The following RNF169 variants were observed in gnomAD, a reference collection of about 807,000 sequenced individuals.
RNF169 encodes ring finger protein 169.
RNF169 carries 24 observed loss-of-function variants against 53.9 expected under a neutral mutation model. The observed-to-expected ratio is 0.45, with a 90% CI of 0.32 to 0.63. The LOEUF (loss-of-function observed/expected upper bound fraction) is 0.63. Ranked by LOEUF, RNF169 falls within the 20% of genes least tolerant of loss-of-function variation. The pLI is 0.04. For missense variants in RNF169, 883 were observed against 906.2 expected, an observed-to-expected ratio of 0.97 and a Z score of 0.33; for synonymous variants, 396 against 363.5, an observed-to-expected ratio of 1.09 and a Z score of -1.02.
chr11:74,794,377 G>A (rs191070256), intron 2 of RNF169, among the ~76,000 whole-genome samples: 5 of 152,306 alleles, frequency 3.3e-5, no homozygotes, highest in Admixed American at 3.3e-4. Flanking sequence ...GGGGAAAATT[G>A]AGGACATGAA....
chr11:74,798,163 G>T (rs1565179892), intron 2 of RNF169, among the ~76,000 whole-genome samples: 1 of 152,192 alleles, frequency 6.6e-6, no homozygotes, highest in Non-Finnish European at 1.5e-5. Flanking sequence ...AAAAGAACAA[G>T]ATAACAGCAA....
chr11:74,793,645 T>C (rs149607953), intron 2 of RNF169, among the ~76,000 whole-genome samples: 1 of 152,344 alleles, frequency 6.6e-6, no homozygotes, highest in East Asian at 1.9e-4. Flanking sequence ...GCTGTGTTCT[T>C]AACATCCTTT....
intron 2 of RNF169, among the ~76,000 whole-genome samples, chr11:74,799,868 A>G (rs553410665): frequency 1.5e-3 from 230 of 151,810 alleles, no homozygotes; most frequent in Non-Finnish European, 2.8e-3. Flanking sequence ...CACTTAATAA[A>G]CATGTTTAAA....
At chr11:74,808,990 A>G (rs945585582) in intron 2 of RNF169, among the ~76,000 whole-genome samples, 1 of 152,086 alleles carries the variant, frequency 6.6e-6, no homozygotes, top group Admixed American at 6.5e-5. Context: ...TCATAACCTC[A>G]TGAATTAGAC....
At chr11:74,776,955 G>A (rs1301760363) in intron 1 of RNF169, among the ~76,000 whole-genome samples, 1 of 152,136 alleles carries the variant, frequency 6.6e-6, no homozygotes, top group Non-Finnish European at 1.5e-5. Context: ...AATCTTGGAG[G>A]CAGTGGGAAG....
At chr11:74,824,752 T>C (rs1169093246) in intron 4 of RNF169, among the ~76,000 whole-genome samples, 1 of 152,212 alleles carries the variant, frequency 6.6e-6, no homozygotes, top group Admixed American at 6.5e-5. Flanking sequence ...AGGGTTGCCA[T>C]GAATCTTTAG....
chr11:74,803,287 G>A (rs918759918), intron 2 of RNF169, among the ~76,000 whole-genome samples: 2 of 152,028 alleles, frequency 1.3e-5, no homozygotes, highest in East Asian at 1.9e-4. Context: ...GGGTTTCACC[G>A]TGTTAGCCAG....
chr11:74,767,558 CT>C (rs561245647), intron 1 of RNF169, among the ~76,000 whole-genome samples: 22 of 151,478 alleles, frequency 1.5e-4, no homozygotes, highest in Non-Finnish European at 3.0e-4. Context: ...CTGGATAATT[CT>C]TTTTTATTTT....
Position 74,810,186 on chromosome 11 carries a change from G to C in RNF169, c.579G>C (p.Leu193=), listed in dbSNP as rs200789876. The C allele has an allele frequency of 1.2e-6, 2 of 1,604,864 alleles. No homozygotes were observed. The highest frequency in any genetic ancestry group is 4.5e-5 in the East Asian group (2 of 44,822). ...LREEYESLRK[L]REEKLQEEKP... ...GTTTGCATAATTTATATTTTTAGCT[G>C]AGAGAAGAAAAGTTACAAGAGGAAA... is the stretch of plus-strand genomic sequence containing the variant. Residue 193 remains leucine (L), a splice_region_variant and synonymous_variant, in exon 3 of 6, where the codon CTG becomes CTC. Coordinates refer to ENST00000299563, the MANE Select transcript of RNF169 (RefSeq NM_001098638.2).
intron 1 of RNF169, among the ~76,000 whole-genome samples, chr11:74,780,034 T>C (rs1591400211): frequency 1.3e-5 from 2 of 152,334 alleles, no homozygotes; most frequent in South Asian, 2.1e-4. Context: ...ATCTTTGCAC[T>C]TAACATATGT....
chr11:74,749,168 C>T lies in RNF169; in HGVS notation c.288C>T (p.Ala96=). Residue 96 remains alanine, a synonymous_variant, in exon 1 of 6, where the codon GCC becomes GCT. Coordinates refer to ENST00000299563, the MANE Select transcript of RNF169 (RefSeq NM_001098638.2). ...GCCGAGGCTGCGCCCAACGCGCCGC[C>T]GACGCGGCGGGCCCGGGTTGCCCTC... ...SLCRGCAQRA[A]DAAGPGCPRC... 1 of 1,239,040 alleles carries T rather than the reference C, an allele frequency of 8.1e-7. No homozygotes were observed. The allele number at this position is 1,239,040 out of a possible 1,614,324, so 76.8% of individuals were successfully genotyped here. A position where few individuals can be genotyped will look rare whatever the true frequency, so the allele number is the denominator to read the frequency against.
intron 1 of RNF169, among the ~76,000 whole-genome samples, chr11:74,778,364 G>A (rs11236245): frequency 2.6e-5 from 4 of 151,982 alleles, no homozygotes; most frequent in South Asian, 2.1e-4. Context: ...ATGTTATCAC[G>A]AATTTTTTTT....
chr11:74,763,400 G>A (rs979782553), intron 1 of RNF169, among the ~76,000 whole-genome samples: 5 of 152,086 alleles, frequency 3.3e-5, no homozygotes, highest in Non-Finnish European at 5.9e-5. Context: ...CCAAGAACTC[G>A]GATAAGAGAG....
chr11:74,771,730 C>T (rs1197550686), intron 1 of RNF169, among the ~76,000 whole-genome samples: 4 of 151,996 alleles, frequency 2.6e-5, no homozygotes, highest in Non-Finnish European at 5.9e-5. Flanking sequence ...TACAAAATTA[C>T]CTCCAGGCTG....
At chr11:74,817,547 C>T (rs760503741) in intron 3 of RNF169, 49 bp from the exon 4 acceptor site, 6 of 1,160,636 alleles carry the variant, frequency 5.2e-6, no homozygotes, top group Admixed American at 1.7e-5. Context: ...AGAGTAGATG[C>T]CTTGGGAACT....
In RNF169 at chr11:74,834,728, G is replaced by C. The variant is rs2036227928; in HGVS notation, c.895G>C (p.Glu299Gln). 6.2e-7 allele frequency: 1 copy of C among 1,613,908 alleles called. No homozygotes were observed. Among genetic ancestry groups the C allele is most frequent in the African/African-American group, 1.3e-5 (1 of 74,904 alleles). Reference sequence around the variant, plus strand: ...TCAGAGCTGTAGTGACACAGCCCAGGAAAGAGCGAAGAGCAGAGTCAGAGC... The same window carrying C: ...TCAGAGCTGTAGTGACACAGCCCAGCAAAGAGCGAAGAGCAGAGTCAGAGC... ...RSQSCSDTAQ[E>Q]RAKSRVRAVP... The change falls in exon 5 of 6, where the codon GAA becomes CAA. Residue 299 changes from glutamate to glutamine, a missense_variant. Glu to Gln is a conservative substitution (Grantham distance 29, BLOSUM62 2). Coordinates refer to ENST00000299563, the MANE Select transcript of RNF169 (RefSeq NM_001098638.2).
intron 2 of RNF169, 81 bp downstream of exon 2, chr11:74,789,780 C>G: frequency 1.1e-6 from 1 of 925,842 alleles, no homozygotes; most frequent in Admixed American, 2.1e-5. Context: ...GAGTTTTGAC[C>G]AGGTTTTAAA....
chr11:74,791,127 AG>A (rs1414629076), intron 2 of RNF169, among the ~76,000 whole-genome samples: 32 of 152,298 alleles, frequency 2.1e-4, no homozygotes, highest in African/African-American at 7.7e-4. Flanking sequence ...TTCCACAGGC[AG>A]GTCGTCCGGA....
chr11:74,826,075 C>T (rs143017729), intron 4 of RNF169, among the ~76,000 whole-genome samples: 2,830 of 152,218 alleles, frequency 0.019, 75 homozygotes, highest in African/African-American at 0.063. Context: ...TCTGTAATCC[C>T]AGCACATTGG....
Sources: gnomAD v4.1 joint callset for allele counts (sites outside exome capture counted in the v4.1 genomes callset) on GRCh38, gnomAD v4.1.1 for gene constraint, MANE v1.5 for transcripts, NCBI Gene and HGNC (gene_info 2026-07-23, HGNC 2026-07-21) for gene names.